NFATC3: variants seen among roughly 807,000 people sequenced by gnomAD.
NFATC3 encodes the protein nuclear factor of activated T cells 3.
In NFATC3, 46 loss-of-function variants were observed where a neutral mutation model predicts 98.6. The ratio of observed to expected loss-of-function variants is 0.47; its 90% confidence interval spans 0.37 to 0.60. The LOEUF is 0.60. Ranked by LOEUF, NFATC3 falls within the 20% of genes least tolerant of loss-of-function variation. The pLI is 0.00. For synonymous variants in NFATC3, 512 were observed against 472.2 expected, an observed-to-expected ratio of 1.08 and a Z score of -1.09; for missense variants, 1,256 against 1,295.5, an observed-to-expected ratio of 0.97 and a Z score of 0.47.
intron 9 of NFATC3, among the ~76,000 whole-genome samples, chr16:68,198,057 C>T (rs1183820086): frequency 3.3e-5 from 5 of 152,098 alleles, no homozygotes; most frequent in Non-Finnish European, 5.9e-5. Flanking sequence ...TGGTGGCTCA[C>T]GCTTGTAGTC....
At chr16:68,141,275 C>T (rs1345947580) in intron 3 of NFATC3, among the ~76,000 whole-genome samples, 1 of 152,134 alleles carries the variant, frequency 6.6e-6, no homozygotes, top group Non-Finnish European at 1.5e-5. Context: ...TGTATGTATG[C>T]AGGTGTCTTT....
chr16:68,104,465 G>A (rs1322539590), intron 1 of NFATC3, among the ~76,000 whole-genome samples: 1 of 152,062 alleles, frequency 6.6e-6, no homozygotes, highest in Non-Finnish European at 1.5e-5. Flanking sequence ...TCTTCTGCAA[G>A]TAGAAATAGT....
chr16:68,126,657 A>G (rs1416112320), intron 3 of NFATC3, 47 bp downstream of exon 3: 5 of 1,589,268 alleles, frequency 3.1e-6, no homozygotes, highest in African/African-American at 2.7e-5. Context: ...ACACCTAGTG[A>G]TGATTAGACA....
At chr16:68,176,595 T>C (rs943488776) in intron 6 of NFATC3, among the ~76,000 whole-genome samples, 1 of 152,206 alleles carries the variant, frequency 6.6e-6, no homozygotes, top group Admixed American at 6.5e-5. Context: ...ATTAAAATTC[T>C]TAAATTTTTT....
At chr16:68,120,355 A>G (rs1262505422) in intron 1 of NFATC3, among the ~76,000 whole-genome samples, 4 of 151,432 alleles carry the variant, frequency 2.6e-5, no homozygotes, top group Non-Finnish European at 5.9e-5. Flanking sequence ...AGGAGGGTAG[A>G]TTGCTTGGGG....
At chr16:68,213,131 A>G (rs941998199) in intron 9 of NFATC3, among the ~76,000 whole-genome samples, 5 of 148,504 alleles carry the variant, frequency 3.4e-5, no homozygotes, top group Non-Finnish European at 7.5e-5. Flanking sequence ...TACTAGTTTC[A>G]GGGGCCGGGT....
intron 6 of NFATC3, among the ~76,000 whole-genome samples, chr16:68,175,693 G>C (rs2039661436): frequency 6.6e-6 from 1 of 151,670 alleles, no homozygotes; most frequent in African/African-American, 2.4e-5. Flanking sequence ...CCGAGTAGCT[G>C]GGATTACCGG....
chr16:68,124,684 C>T (rs561027886), intron 2 of NFATC3, among the ~76,000 whole-genome samples: 60 of 152,106 alleles, frequency 3.9e-4, no homozygotes, highest in African/African-American at 1.3e-3. Context: ...CCTCCCACCT[C>T]GGCCTCCCAA....
intron 1 of NFATC3, among the ~76,000 whole-genome samples, chr16:68,087,635 TTCTG>T (rs1396263620): frequency 1.3e-5 from 2 of 152,236 alleles, no homozygotes; most frequent in East Asian, 1.9e-4. Context: ...CAGCTACTGC[TTCTG>T]TCTACTTCTA....
At chr16:68,093,775 T>C (rs1211921968) in intron 1 of NFATC3, among the ~76,000 whole-genome samples, 2 of 152,250 alleles carry the variant, frequency 1.3e-5, no homozygotes, top group African/African-American at 4.8e-5. Flanking sequence ...ATTTGAACTT[T>C]GGTTTTCTGA....
At chr16:68,123,497 C>CAAAAAAAAAA in intron 2 of NFATC3, among the ~76,000 whole-genome samples, 1 of 73,854 alleles carries the variant, frequency 1.4e-5, no homozygotes, top group Non-Finnish European at 3.1e-5. Context: ...CCTGTCTCTA[C>CAAAAAAAAAA]AAAAAAAAAA....
chr16:68,212,679 A>G (rs1248252098), intron 9 of NFATC3: 1 of 152,202 alleles, frequency 6.6e-6, no homozygotes, highest in Non-Finnish European at 1.5e-5. Flanking sequence ...CCAGTACACA[A>G]AAAATACATA....
At chr16:68,149,546 T>C (rs2038208813) in intron 3 of NFATC3, among the ~76,000 whole-genome samples, 1 of 152,204 alleles carries the variant, frequency 6.6e-6, no homozygotes, top group South Asian at 2.1e-4. Context: ...TATCCAGTTA[T>C]AATGCAAACA....
At chr16:68,158,773 T>C (rs1164185052) in intron 4 of NFATC3, among the ~76,000 whole-genome samples, 2 of 152,002 alleles carry the variant, frequency 1.3e-5, no homozygotes, top group South Asian at 2.1e-4. Flanking sequence ...AGAGGGGTAA[T>C]AAGGAGAAAG....
intron 3 of NFATC3, among the ~76,000 whole-genome samples, chr16:68,134,309 G>T (rs1486539098): frequency 2.0e-5 from 3 of 152,106 alleles, no homozygotes; most frequent in African/African-American, 7.2e-5. Context: ...CTACAGGCAT[G>T]TACCACCACG....
chr16:68,191,584 G>A lies in NFATC3; in HGVS notation c.2915G>A (p.Gly972Glu), dbSNP rs767903492. 1 of 1,614,088 alleles carries A rather than the reference G, an allele frequency of 6.2e-7. No individual in the cohort carries two copies. Among genetic ancestry groups the A allele is most frequent in the Non-Finnish European group, 8.5e-7 (1 of 1,180,024 alleles). ...TCTCCAGCCACCAGAATGCATTCTG[G>A]ACAGCACTCAACTCAAGCACAAAGT... ...SPSPATRMHS[G>E]QHSTQAQSTG... Residue 972 changes from glycine to glutamate, a missense_variant, in exon 9 of 10, where the codon GGA becomes GAA. By Grantham distance (98) the Gly-to-Glu change is moderately conservative (BLOSUM62 -2). Transcript: ENST00000346183.
At chr16:68,192,809 G>C (rs2040501348) in intron 9 of NFATC3, among the ~76,000 whole-genome samples, 1 of 152,170 alleles carries the variant, frequency 6.6e-6, no homozygotes, top group South Asian at 2.1e-4. Flanking sequence ...GCTGCAGTGA[G>C]CTGTGATCAT....
At chr16:68,190,644 G>C (rs2040395729) in intron 8 of NFATC3, 124 bp from the exon 9 acceptor site, 1 of 872,698 alleles carries the variant, frequency 1.1e-6, no homozygotes, top group Admixed American at 2.6e-5. Flanking sequence ...TATATGAACT[G>C]CCTTCCTTGG....
chr16:68,191,461 C>T lies in NFATC3; in HGVS notation c.2792C>T (p.Ser931Phe). ...GCTACAACAGCTTCCCCAGCAGCTT[C>T]TCATCCCTTGGCTAGTTCACCGCTT... ...GSATTASPAA[S>F]HPLASSPLSG... The change falls in exon 9 of 10, where the codon TCT (serine) becomes TTT (phenylalanine). Residue 931 changes from serine (S) to phenylalanine (F), a missense_variant. By Grantham distance (155) the Ser-to-Phe change is radical (BLOSUM62 -2). Around this residue, in one of 3 missense-constraint regions of NFATC3, gnomAD observed 636 missense variants for 617.3 expected, o/e 1.03. Transcript: ENST00000346183. 6.2e-7 allele frequency: 1 copy of T among 1,614,170 alleles called. No homozygotes were observed. The highest frequency in any genetic ancestry group is 8.5e-7 in the Non-Finnish European group (1 of 1,180,044).
Sources: allele counts gnomAD v4.1 joint callset (sites outside exome capture counted in the v4.1 genomes callset), GRCh38; gene constraint gnomAD v4.1.1; regional missense constraint gnomAD v4.1.1; transcripts MANE v1.5; gene names NCBI Gene and HGNC (gene_info 2026-07-23, HGNC 2026-07-21).